MAP4K2: variants seen among roughly 807,000 people sequenced by gnomAD.
MAP4K2 encodes mitogen-activated protein kinase kinase kinase kinase 2.
MAP4K2 carries 85 observed loss-of-function variants against 125.3 expected under a neutral mutation model. That is an observed-to-expected ratio of 0.68 (90% CI 0.57 to 0.81). The LOEUF (loss-of-function observed/expected upper bound fraction) is 0.81. Ranked by LOEUF, MAP4K2 falls within the 40% of genes least tolerant of loss-of-function variation. MAP4K2 has a pLI of 0.00. For missense variants in MAP4K2, 923 were observed against 1,056.4 expected (o/e 0.87, Z 1.75); for synonymous variants, 479 against 445.1 (o/e 1.08, Z -0.96).
rs778616529 is a variant in MAP4K2 at position 64,801,734 on chromosome 11, C to T, written c.390G>A (p.Gln130=). 1 of 1,613,750 alleles carries T rather than the reference C, an allele frequency of 6.2e-7. No homozygotes were observed. Among genetic ancestry groups the T allele is most frequent in the Non-Finnish European group, 8.5e-7 (1 of 1,179,924 alleles). The part of the protein sequence containing the change: ...ALKGLHHLHS[Q]GKIHRDIKGA... ...CCTTGATGTCTCTGTGGATCTTCCC[C>T]TGAGAATGCAGGTGGTGGAGCCCCT... Residue 130 remains glutamine, a synonymous_variant, in exon 6 of 32, where the codon CAG becomes CAA. Transcript: ENST00000294066.
At chr11:64,797,964 C>T (rs1235034078) in intron 15 of MAP4K2, among the ~76,000 whole-genome samples, 1 of 151,102 alleles carries the variant, frequency 6.6e-6, no homozygotes, top group Admixed American at 6.6e-5. Context: ...CTCGGCCTCC[C>T]AAAGTGCTCA....
intron 15 of MAP4K2, 43 bp from the exon 16 acceptor site, chr11:64,797,707 T>TA: frequency 1.5e-6 from 2 of 1,345,390 alleles, no homozygotes; most frequent in East Asian, 5.9e-5. Flanking sequence ...CCTTTCCTTT[T>TA]TTTTTTTTTT....
chr11:64,797,458 G>A (rs1565618495), intron 17 of MAP4K2, 43 bp downstream of exon 17: 2 of 1,558,170 alleles, frequency 1.3e-6, no homozygotes, highest in Non-Finnish European at 1.7e-6. Context: ...CGTACCCTCT[G>A]CAGTGGCCTG....
In MAP4K2 at chr11:64,799,428, T is replaced by C; in HGVS notation, c.1046A>G (p.Asn349Ser). ...CAAGGCCTGCCCACTCACCGGCTCA[T>C]TCAGTGGGTCAGTTTCCTTCCTGCG... ...APRRKETDPL[N>S]EPWEEEWTLL... Residue 349 changes from asparagine to serine, a missense_variant, in exon 14 of 32, where the codon AAT (asparagine) becomes AGT (serine). Asn to Ser is a conservative substitution (Grantham distance 46, BLOSUM62 1). Transcript: ENST00000294066. The C allele has an allele frequency of 1.2e-6, 2 of 1,612,744 alleles. No individual in the cohort carries two copies. Among genetic ancestry groups the C allele is most frequent in the Non-Finnish European group, 1.7e-6 (2 of 1,179,556 alleles).
rs1259233321 is a variant in MAP4K2, at chr11:64,797,530, G to A, written c.1141C>T (p.Leu381=). ...SVQEALEERS[L]TIRSASEFQE... ...AATTCTGAGGCTGACCGAATAGTCA[G>A]ACTCCTGTGGGAGGGAGATGAGGCG... Residue 381 remains leucine, a synonymous_variant, in exon 17 of 32, where the codon CTG becomes TTG. Transcript: ENST00000294066. The A allele has an allele frequency of 3.2e-6, 5 of 1,570,490 alleles. No individual in the cohort carries two copies. In the South Asian group the frequency reaches 5.8e-5, roughly 18 times the overall value.
intron 4 of MAP4K2, 144 bp downstream of exon 4, chr11:64,802,275 T>C (rs149067681): frequency 3.2e-5 from 35 of 1,080,694 alleles, no homozygotes; most frequent in East Asian, 1.8e-4. Context: ...AACCCAGAGA[T>C]GGACAGTATT....
Position 64,797,274 on chromosome 11 carries a change from C to G in MAP4K2, c.1276+1G>C. 1 of 1,600,782 alleles carries G rather than the reference C, an allele frequency of 6.2e-7. No homozygotes were observed. Among genetic ancestry groups the G allele is most frequent in the Middle Eastern group, 1.7e-4 (1 of 6,040 alleles). ...CCTGGCCTCCCAAGCCTGAGACTCA[C>G]CTGGGGGACTGGACAGAGGCTCCTC... On this transcript the variant is annotated splice_donor_variant, in intron 18 of 31. Coordinates refer to ENST00000294066, the MANE Select transcript of MAP4K2 (RefSeq NM_004579.5). LOFTEE classifies it high-confidence loss of function.
Position 64,791,991 on chromosome 11 carries a change from C to A in MAP4K2, c.2010G>T (p.Gly670=). The change falls in exon 27 of 32, where the codon GGG becomes GGT. Residue 670 remains glycine (G), a synonymous_variant. Coordinates refer to ENST00000294066, the MANE Select transcript of MAP4K2 (RefSeq NM_004579.5). The part of the protein sequence containing the change: ...ELPQVCVGAE[G]PEGPGCRVLF... ...GGACGCGGCAGCCGGGCCCCTCAGG[C>A]CCCTCGGCCCCAACACACACCTGCG... The A allele has an allele frequency of 6.2e-7, 1 of 1,601,742 alleles. No individual in the cohort carries two copies. The highest frequency in any genetic ancestry group is 8.5e-7 in the Non-Finnish European group (1 of 1,174,770).
Position 64,800,221 on chromosome 11 carries a change from A to G in MAP4K2, c.808-5T>C, listed in dbSNP as rs1240679411. On this transcript the variant is annotated splice_polypyrimidine_tract_variant and splice_region_variant and intron_variant, in intron 11 of 31. Transcript: ENST00000294066. ...CTGCTGAGTCGTGAACGGGTGCTGGAAAGTGGGGGAGGGGGGTGATCAGGT... is the reference window on the plus strand; with the variant it reads ...CTGCTGAGTCGTGAACGGGTGCTGGGAAGTGGGGGAGGGGGGTGATCAGGT... 1.2e-6 allele frequency: 2 copies of G among 1,612,772 alleles called. No individual in the cohort carries two copies. Among genetic ancestry groups the G allele is most frequent in the South Asian group, 1.1e-5 (1 of 91,070 alleles).
At chr11:64,801,924 T>C (rs1941204210) in intron 5 of MAP4K2, 142 bp downstream of exon 5, 1 of 1,145,210 alleles carries the variant, frequency 8.7e-7, no homozygotes, top group African/African-American at 1.5e-5. Context: ...GCAACAGGGC[T>C]GGGGCCCCTT....
rs1030256610 is a variant in MAP4K2 at position 64,787,391 on chromosome 11, T to C, written c.*2146A>G. The C allele has an allele frequency of 7.2e-5, 11 of 152,218 alleles. No homozygotes were observed. The highest frequency in any genetic ancestry group is 6.5e-4 in the Admixed American group (10 of 15,286). The allele number at this position is 152,218 out of a possible 1,614,324, so 9.4% of individuals were successfully genotyped here. A position where few individuals can be genotyped will look rare whatever the true frequency, so the allele number is the denominator to read the frequency against. On this transcript the variant is annotated 3_prime_UTR_variant, in exon 32 of 32. Coordinates refer to ENST00000294066, the MANE Select transcript of MAP4K2 (RefSeq NM_004579.5). ...TATGTGGAATATGTTAATACGTATA[T>C]AAAAAATCGCCAAGAATAAAATATA...
chr11:64,800,261 G>C, intron 11 of MAP4K2, 45 bp from the exon 12 acceptor site: 1 of 1,612,644 alleles, frequency 6.2e-7, no homozygotes, highest in Non-Finnish European at 8.5e-7. Flanking sequence ...CCCTGATCCA[G>C]GGCCCTGCTT....
rs896548407 is a variant in MAP4K2 at position 64,789,958 on chromosome 11, C to A, written c.2250G>T (p.Val750=). 3 of 1,613,262 alleles carry A rather than the reference C, an allele frequency of 1.9e-6. No individual in the cohort carries two copies. The highest frequency in any genetic ancestry group is 3.3e-5 in the Admixed American group (2 of 60,020). ...LTFDFPIETV[V]CLQDSVLAFW... is the part of the protein sequence containing the mutation. Reference sequence around the variant, plus strand: ...AGGCCAGCACACTGTCCTGCAGGCACACTATGGGGGCCAGGCCACCATCAG... The same window carrying A: ...AGGCCAGCACACTGTCCTGCAGGCAAACTATGGGGGCCAGGCCACCATCAG... Residue 750 remains valine, a splice_region_variant and synonymous_variant, in exon 30 of 32, where the codon GTG becomes GTT. Transcript: ENST00000294066.
At chr11:64,802,742 C>T in intron 2 of MAP4K2, 89 bp from the exon 3 acceptor site, 1 of 1,484,260 alleles carries the variant, frequency 6.7e-7, no homozygotes, top group East Asian at 2.4e-5. Context: ...GAGTGCCTCC[C>T]TCCGGGCCAG....
In MAP4K2 at chr11:64,796,870, G is replaced by C. The variant is rs1353859086; in HGVS notation, c.1431C>G (p.Val477=). 2 of 1,613,932 alleles carry C rather than the reference G, an allele frequency of 1.2e-6. No individual in the cohort carries two copies. Among genetic ancestry groups the C allele is most frequent in the Non-Finnish European group, 1.7e-6 (2 of 1,180,028 alleles). Residue 477 remains valine, a synonymous_variant, in exon 21 of 32, where the codon GTC becomes GTG. Coordinates refer to ENST00000294066, the MANE Select transcript of MAP4K2 (RefSeq NM_004579.5). ...KVHMGACFSK[V]FNGCPLRIHA... ...GGATCCGCAGGGGGCAGCCATTGAA[G>C]ACCTTGGAGAAGCAGGCGCCCATCT...
At chr11:64,801,962 C>T in intron 5 of MAP4K2, 104 bp downstream of exon 5, 1 of 1,292,992 alleles carries the variant, frequency 7.7e-7, no homozygotes, top group Non-Finnish European at 1.1e-6. Flanking sequence ...CCCCTCGGGC[C>T]AGCCCCACCC....
At position 64,801,807 on chromosome 11, in the gene MAP4K2, C is replaced by T. The variant is rs1565626619; in HGVS notation, c.367-50G>A. On this transcript the variant is annotated intron_variant, in intron 5 of 31. Coordinates refer to ENST00000294066, the MANE Select transcript of MAP4K2 (RefSeq NM_004579.5). The stretch of plus-strand genomic sequence containing the variant: ...GAGCAGCCACCCAGCACTGTCCCAC[C>T]TCCCCAAACCCCCTCTCAGGACTGG... 4.4e-6 allele frequency: 7 copies of T among 1,596,534 alleles called. No homozygotes were observed. In the South Asian group the frequency reaches 7.7e-5, roughly 18 times the overall value.
chr11:64,796,473 C>T lies in MAP4K2; in HGVS notation c.1633+20G>A, dbSNP rs775601594. 1.2e-6 allele frequency: 2 copies of T among 1,613,858 alleles called. No homozygotes were observed. The highest frequency in any genetic ancestry group is 2.2e-5 in the South Asian group (2 of 91,092). ...TGGAGCCCCTGCGGACCCTGCCTCC[C>T]TGCCCATCCCACCTTGTACCTGAGA... is the stretch of plus-strand genomic sequence containing the variant. On this transcript the variant is annotated intron_variant, in intron 23 of 31. Transcript: ENST00000294066.
intron 2 of MAP4K2, 63 bp downstream of exon 2, chr11:64,802,822 G>A: frequency 3.9e-6 from 6 of 1,541,770 alleles, no homozygotes; most frequent in Non-Finnish European, 5.3e-6. Flanking sequence ...CCCTCCGCCC[G>A]CACCCCGCGC....
Sources: allele counts gnomAD v4.1 joint callset (sites outside exome capture counted in the v4.1 genomes callset), GRCh38; gene constraint gnomAD v4.1.1; transcripts MANE v1.5; gene names NCBI Gene and HGNC (gene_info 2026-07-23, HGNC 2026-07-21).